The following LMO7 variants were observed in gnomAD, a reference collection of about 807,000 sequenced individuals.
LMO7 encodes the protein LIM domain 7.
Under a neutral mutation model 206.5 loss-of-function variants are expected in LMO7, and 120 were observed. The ratio of observed to expected loss-of-function variants is 0.58; its 90% CI spans 0.50 to 0.68. The LOEUF (loss-of-function observed/expected upper bound fraction) is 0.68, where lower values mean the gene tolerates loss of function less well. Ranked by LOEUF, LMO7 falls within the 30% of genes least tolerant of loss-of-function variation. The pLI is 0.00. For synonymous variants in LMO7, 706 were observed against 681.5 expected, an observed-to-expected ratio of 1.04 and a Z score of -0.56; for missense variants, 1,959 against 1,957.9, an observed-to-expected ratio of 1.00 and a Z score of -0.01.
At chr13:75,737,967 TG>T (rs1421316066) in intron 3 of LMO7, among the ~76,000 whole-genome samples, 1 of 151,238 alleles carries the variant, frequency 6.6e-6, no homozygotes, top group Non-Finnish European at 1.5e-5. Flanking sequence ...GGAATCTGAA[TG>T]GATTCCTTTT....
intron 4 of LMO7, among the ~76,000 whole-genome samples, chr13:75,788,055 A>G (rs1309035908): frequency 6.6e-6 from 1 of 152,220 alleles, no homozygotes; most frequent in Non-Finnish European, 1.5e-5. Flanking sequence ...TACCTGATAT[A>G]TTCCTAAATT....
At chr13:75,620,459 C>T (rs1283568665) in exon 1 of LMO7, 2 of 151,956 alleles carry the variant, frequency 1.3e-5, no homozygotes, top group African/African-American at 4.8e-5. Context: ...AATTAGGAAC[C>T]TAGGGTGGGG....
At chr13:75,687,181 T>G (rs968125585) in intron 1 of LMO7, among the ~76,000 whole-genome samples, 6 of 152,190 alleles carry the variant, frequency 3.9e-5, no homozygotes, top group Admixed American at 2.6e-4. Context: ...TTTCCAGGAT[T>G]TGTTTCTATA....
At chr13:75,621,920 G>A (rs996644483) in intron 1 of LMO7, 4 of 1,342,970 alleles carry the variant, frequency 3.0e-6, no homozygotes, top group Non-Finnish European at 4.0e-6. Context: ...AAGAACTAAG[G>A]CAGAGCATCT....
rs1039923723 is a variant in LMO7 at position 75,795,575 on chromosome 13, A to G, written c.348+144A>G. ...AACCAATCAGTTACAAACAGTAAAT[A>G]TGTTTAAATATATGCATTACAATAT... On this transcript the variant is annotated intron_variant, in intron 5 of 30. Coordinates refer to ENST00000377534, the MANE Select transcript of LMO7 (RefSeq NM_001306080.2). 4.1e-5 allele frequency: 24 copies of G among 589,138 alleles called. 1 individual carries two copies. In the East Asian group the frequency reaches 6.4e-4, roughly 16 times the overall value. 36.5% of individuals were successfully genotyped at this position (589,138 alleles called of 1,614,324 possible).
rs1343724011 is a variant in LMO7, at chr13:75,807,544, AC to A, written c.1263del (p.Ile423LeufsTer10). 1 of 1,613,820 alleles carries A rather than the reference AC, an allele frequency of 6.2e-7. No individual in the cohort carries two copies. The highest frequency in any genetic ancestry group is 8.5e-7 in the Non-Finnish European group (1 of 1,179,850). On this transcript the variant is annotated frameshift_variant, in exon 10 of 31. Transcript: ENST00000377534. LOFTEE classifies it high-confidence loss of function. ...TGACATCTTGTCTTCTGAAACACATACCAAAATTGATCCCACTTCTGGCCCA... is the reference window on the plus strand; with the variant it reads ...TGACATCTTGTCTTCTGAAACACATACAAAATTGATCCCACTTCTGGCCCA... Reference protein sequence around the residue: ...SDDILSSETHTKIDPTSGPRL... With the variant: ...SDDILSSETHXKIDPTSGPRL...
At chr13:75,767,691 C>T (rs951673949) in intron 4 of LMO7, among the ~76,000 whole-genome samples, 1 of 152,034 alleles carries the variant, frequency 6.6e-6, no homozygotes, top group African/African-American at 2.4e-5. Context: ...TCTACTAAAT[C>T]CCAGGCTGAG....
At chr13:75,748,653 G>A (rs1451926150) in intron 3 of LMO7, among the ~76,000 whole-genome samples, 1 of 152,158 alleles carries the variant, frequency 6.6e-6, no homozygotes, top group African/African-American at 2.4e-5. Flanking sequence ...GAAGATGTGA[G>A]GTTGGAGTAT....
At chr13:75,630,443 C>T (rs1271132430) in intron 2 of LMO7, among the ~76,000 whole-genome samples, 13 of 152,134 alleles carry the variant, frequency 8.5e-5, no homozygotes, top group East Asian at 1.9e-4. Flanking sequence ...TAGGCTGAGG[C>T]GGGTGGATTG....
intron 12 of LMO7, 126 bp from the exon 13 acceptor site, chr13:75,819,267 G>A: frequency 8.6e-7 from 1 of 1,167,938 alleles, no homozygotes; most frequent in African/African-American, 1.6e-5. Context: ...CAAAATTAGG[G>A]CACCTTGGCA....
chr13:75,751,806 G>A (rs2047290147), intron 3 of LMO7, among the ~76,000 whole-genome samples: 1 of 152,122 alleles, frequency 6.6e-6, no homozygotes, highest in South Asian at 2.1e-4. Context: ...TTGCAGTAGT[G>A]GGTCTAACTG....
intron 4 of LMO7, among the ~76,000 whole-genome samples, chr13:75,773,005 A>G (rs576188662): frequency 9.9e-5 from 15 of 152,260 alleles, no homozygotes; most frequent in Middle Eastern, 3.4e-3. Flanking sequence ...AAGTGATCAC[A>G]TGATGGAGTG....
chr13:75,846,017 G>C (rs1418659337), intron 26 of LMO7, among the ~76,000 whole-genome samples: 1 of 152,000 alleles, frequency 6.6e-6, no homozygotes, highest in Non-Finnish European at 1.5e-5. Flanking sequence ...CCATCATGTT[G>C]GATAGCCACT....
At chr13:75,655,909 T>C (rs1443191783) in intron 1 of LMO7, among the ~76,000 whole-genome samples, 21 of 152,048 alleles carry the variant, frequency 1.4e-4, no homozygotes, top group Admixed American at 1.4e-3. Context: ...CTGGGCTGCC[T>C]TGTGTAATGG....
intron 3 of LMO7, among the ~76,000 whole-genome samples, chr13:75,754,650 A>G (rs1449255021): frequency 6.6e-6 from 1 of 152,230 alleles, no homozygotes; most frequent in Non-Finnish European, 1.5e-5. Flanking sequence ...GCTTGCTTAA[A>G]TAGGAATGAT....
chr13:75,842,834 C>G lies in LMO7; in HGVS notation c.4032-17C>G, dbSNP rs199654352. ...AAGTCTAATATTTTGACAACAAAAT[C>G]TTTTTCTATCTTTTAGGCCTGTTGA... On this transcript the variant is annotated splice_polypyrimidine_tract_variant and intron_variant, in intron 24 of 30. Transcript: ENST00000377534. 6.5e-7 allele frequency: 1 copy of G among 1,544,300 alleles called. No individual in the cohort carries two copies. The highest frequency in any genetic ancestry group is 2.2e-5 in the East Asian group (1 of 44,448).
chr13:75,753,330 T>C (rs577619198), intron 3 of LMO7, among the ~76,000 whole-genome samples: 1 of 152,342 alleles, frequency 6.6e-6, no homozygotes, highest in East Asian at 1.9e-4. Flanking sequence ...ATGTATATAG[T>C]TTGCAAATAT....
At chr13:75,659,171 T>C (rs2038337779) in intron 1 of LMO7, among the ~76,000 whole-genome samples, 1 of 152,250 alleles carries the variant, frequency 6.6e-6, no homozygotes. Flanking sequence ...CTCTATGCTA[T>C]AACTTTGATA....
chr13:75,704,192 A>AT, intron 1 of LMO7, among the ~76,000 whole-genome samples: 1 of 152,272 alleles, frequency 6.6e-6, no homozygotes. Flanking sequence ...GCCCTGTACT[A>AT]TCTCATTATA....
Sources: gnomAD v4.1 joint callset for allele counts (sites outside exome capture counted in the v4.1 genomes callset) on GRCh38, gnomAD v4.1.1 for gene constraint, MANE v1.5 for transcripts, NCBI Gene and HGNC (gene_info 2026-07-23, HGNC 2026-07-21) for gene names.